MACROD2: variants seen among roughly 807,000 people sequenced by gnomAD.
MACROD2 encodes mono-ADP ribosylhydrolase 2.
A neutral mutation model predicts 70.4 loss-of-function variants in MACROD2; 36 were observed. The ratio of observed to expected loss-of-function variants is 0.51; its 90% CI spans 0.39 to 0.68. The LOEUF (loss-of-function observed/expected upper bound fraction) is 0.68. Ranked by LOEUF, MACROD2 falls within the 30% of genes least tolerant of loss-of-function variation. The pLI is 0.00. For missense variants in MACROD2, 496 were observed against 538.4 expected, an observed-to-expected ratio of 0.92 and a Z score of 0.78; for synonymous variants, 172 against 178.8, an observed-to-expected ratio of 0.96 and a Z score of 0.30.
chr20:14,030,146 C>T (rs922000503), intron 2 of MACROD2, among the ~76,000 whole-genome samples: 6 of 152,216 alleles, frequency 3.9e-5, no homozygotes, highest in Admixed American at 3.3e-4. Context: ...CATCCTTCCA[C>T]TCCTAGCTCA....
intron 7 of MACROD2, among the ~76,000 whole-genome samples, chr20:15,438,686 A>T (rs1324263576): frequency 6.6e-6 from 1 of 152,100 alleles, no homozygotes; most frequent in Non-Finnish European, 1.5e-5. Flanking sequence ...TGCTCCATAG[A>T]TTGCTGTTTA....
chr20:14,378,032 A>G (rs543381704), intron 3 of MACROD2, among the ~76,000 whole-genome samples: 3 of 152,332 alleles, frequency 2.0e-5, no homozygotes, highest in East Asian at 3.9e-4. Flanking sequence ...TATATTTTAC[A>G]TAGCATATAT....
chr20:16,024,977 G>A (rs894020034), intron 15 of MACROD2, among the ~76,000 whole-genome samples: 1 of 152,076 alleles, frequency 6.6e-6, no homozygotes, highest in Non-Finnish European at 1.5e-5. Context: ...GAAAAGCATT[G>A]TGCCCTGAGA....
chr20:15,183,247 G>A (rs1329010705), intron 5 of MACROD2, among the ~76,000 whole-genome samples: 1 of 152,074 alleles, frequency 6.6e-6, no homozygotes, highest in African/African-American at 2.4e-5. Context: ...GTTAAAAATT[G>A]GATCTTGCCA....
chr20:15,248,737 T>G (rs1231346983), intron 6 of MACROD2, among the ~76,000 whole-genome samples: 1 of 152,172 alleles, frequency 6.6e-6, no homozygotes, highest in African/African-American at 2.4e-5. Flanking sequence ...GACATGAGTC[T>G]TATGCAGTCA....
At chr20:13,997,083 A>AT (rs979863535) in intron 1 of MACROD2, among the ~76,000 whole-genome samples, 30 of 150,846 alleles carry the variant, frequency 2.0e-4, no homozygotes, top group Middle Eastern at 3.4e-3. Flanking sequence ...TGAGGAGGGA[A>AT]TTTTTTTTTT....
At chr20:15,426,616 TTTG>T (rs2046301672) in intron 6 of MACROD2, among the ~76,000 whole-genome samples, 1 of 151,724 alleles carries the variant, frequency 6.6e-6, no homozygotes, top group South Asian at 2.1e-4. Context: ...ATGATTTTTT[TTTG>T]TTTTTTGTTT....
At chr20:15,954,066 G>A (rs2065943300) in intron 12 of MACROD2, among the ~76,000 whole-genome samples, 2 of 152,046 alleles carry the variant, frequency 1.3e-5, no homozygotes, top group Non-Finnish European at 2.9e-5. Flanking sequence ...ATATAAATGA[G>A]CAAACCTTTA....
At chr20:14,568,401 G>A (rs1979949854) in intron 4 of MACROD2, among the ~76,000 whole-genome samples, 1 of 151,972 alleles carries the variant, frequency 6.6e-6, no homozygotes, top group African/African-American at 2.4e-5. Flanking sequence ...GACAAAGCTT[G>A]CAGCATTTAG....
In MACROD2 at chr20:15,892,221, C is replaced by T. The variant is rs766686889; in HGVS notation, c.775+6410C>T. On this transcript the variant is annotated intron_variant, in intron 10 of 17. Transcript: ENST00000684519. The stretch of plus-strand genomic sequence containing the variant: ...TTCCTAAATCCCAGACAAGATGCCA[C>T]GTAGGCTGTTGAAGATGTAAGTCAT... Among the ~76,000 whole-genome samples the T allele has an allele frequency of 9.9e-5, 15 of 152,110 alleles. 1 individual carries two copies. Among genetic ancestry groups the T allele is most frequent in the Non-Finnish European group, 1.8e-4 (12 of 68,008 alleles).
At chr20:14,628,107 G>C (rs1293626628) in intron 4 of MACROD2, among the ~76,000 whole-genome samples, 1 of 152,148 alleles carries the variant, frequency 6.6e-6, no homozygotes, top group East Asian at 1.9e-4. Flanking sequence ...TGTTCAGAGT[G>C]GGAAGCAGTG....
chr20:14,444,597 G>A (rs1208266396), intron 3 of MACROD2, among the ~76,000 whole-genome samples: 1 of 152,020 alleles, frequency 6.6e-6, no homozygotes, highest in Non-Finnish European at 1.5e-5. Context: ...ATGTGCTGAT[G>A]ACTCCCAAAT....
intron 4 of MACROD2, among the ~76,000 whole-genome samples, chr20:14,666,212 G>A (rs923849085): frequency 1.3e-5 from 2 of 151,938 alleles, no homozygotes; most frequent in Non-Finnish European, 2.9e-5. Flanking sequence ...ATTAAGTTCC[G>A]GTTTCACAGA....
intron 2 of MACROD2, among the ~76,000 whole-genome samples, chr20:14,035,747 T>A (rs1053817388): frequency 6.6e-6 from 1 of 152,222 alleles, no homozygotes; most frequent in African/African-American, 2.4e-5. Flanking sequence ...CCTTTACATT[T>A]CTTTCCTGTC....
rs180707074 is a variant in MACROD2 at position 14,634,977 on chromosome 20, A to G, written c.302-49866A>G. Among the ~76,000 whole-genome samples, 86 of 152,224 alleles carry G rather than the reference A, an allele frequency of 5.6e-4. 2 individuals are homozygous for G. Among genetic ancestry groups the G allele is most frequent in the African/African-American group, 2.0e-3 (83 of 41,546 alleles). On this transcript the variant is annotated intron_variant, in intron 4 of 17. Coordinates refer to ENST00000684519, the MANE Select transcript of MACROD2 (RefSeq NM_001351661.2). ...TGTTCTAGTCTTCTTTGCCAGAGAG[A>G]ACTCTGGGGTTAGCATTTTAGTCCA...
intron 5 of MACROD2, among the ~76,000 whole-genome samples, chr20:15,149,530 G>A (rs1267609221): frequency 6.6e-6 from 1 of 151,998 alleles, no homozygotes; most frequent in Non-Finnish European, 1.5e-5. Flanking sequence ...GGTAATTATG[G>A]GAGACTCAAC....
At chr20:14,864,142 A>G (rs577284326) in intron 5 of MACROD2, among the ~76,000 whole-genome samples, 1 of 152,240 alleles carries the variant, frequency 6.6e-6, no homozygotes, top group East Asian at 1.9e-4. Context: ...TCCATTTTAA[A>G]ATATGTTTTA....
intron 3 of MACROD2, among the ~76,000 whole-genome samples, chr20:14,234,645 T>G (rs1018775168): frequency 1.3e-5 from 2 of 152,234 alleles, no homozygotes; most frequent in Non-Finnish European, 2.9e-5. Context: ...ATGAAATGGT[T>G]TCTATTGTTC....
rs141600606 is a variant in MACROD2 at position 15,217,254 on chromosome 20, G to C, written c.419-12686G>C. 2.0e-5 allele frequency among the ~76,000 whole-genome samples: 3 copies of C among 152,064 alleles called. No homozygotes were observed. In the East Asian group the frequency reaches 5.8e-4, roughly 29 times the overall value. ...GTATTCCTATCCCATGTATGCACGT[G>C]GTAAATGCAACTACGTAGAAGTACT... On this transcript the variant is annotated intron_variant, in intron 5 of 17. Coordinates refer to ENST00000684519, the MANE Select transcript of MACROD2 (RefSeq NM_001351661.2).
Sources: gnomAD v4.1 joint callset for allele counts (sites outside exome capture counted in the v4.1 genomes callset) on GRCh38, gnomAD v4.1.1 for gene constraint, MANE v1.5 for transcripts, NCBI Gene and HGNC (gene_info 2026-07-23, HGNC 2026-07-21) for gene names.